Variants in PPP3R1 observed in about 807,000 individuals in gnomAD.
PPP3R1 encodes the protein calcineurin subunit B type 1.
A neutral mutation model predicts 22.6 loss-of-function variants in PPP3R1; 5 were observed. That is an observed-to-expected ratio of 0.22 (90% CI 0.12 to 0.46). PPP3R1 has a LOEUF of 0.46. PPP3R1 is among the 20% of genes least tolerant of loss of function. PPP3R1 has a pLI of 0.99. For missense variants in PPP3R1, 61 were observed against 203.2 expected, an observed-to-expected ratio of 0.30 and a Z score of 4.25; for synonymous variants, 56 against 65.2, an observed-to-expected ratio of 0.86 and a Z score of 0.68.
At chr2:68,229,973 T>TACACACAC (rs201152385) in intron 1 of PPP3R1, among the ~76,000 whole-genome samples, 2,599 of 143,212 alleles carry the variant, frequency 0.018, 46 homozygotes, top group Admixed American at 0.024. Context: ...TATACACACA[T>TACACACAC]ACACACACAC....
chr2:68,217,252 A>G (rs1396098652), intron 1 of PPP3R1, 121 bp from the exon 2 acceptor site: 1 of 564,218 alleles, frequency 1.8e-6, no homozygotes, highest in African/African-American at 1.9e-5. Flanking sequence ...TAATATGACC[A>G]CATATATAAA....
At chr2:68,245,757 C>G (rs537709361) in intron 1 of PPP3R1, among the ~76,000 whole-genome samples, 1 of 152,322 alleles carries the variant, frequency 6.6e-6, no homozygotes, top group African/African-American at 2.4e-5. Flanking sequence ...CATCTTATTT[C>G]CAGATTAATC....
At chr2:68,202,849 C>T (rs1197990813) in intron 2 of PPP3R1, among the ~76,000 whole-genome samples, 1 of 123,120 alleles carries the variant, frequency 8.1e-6, no homozygotes, top group African/African-American at 3.3e-5. Flanking sequence ...GTCGCCCAGG[C>T]TGGAGTGCAG....
At chr2:68,183,821 G>A (rs1470676176) in intron 5 of PPP3R1, among the ~76,000 whole-genome samples, 1 of 152,144 alleles carries the variant, frequency 6.6e-6, no homozygotes, top group Non-Finnish European at 1.5e-5. Context: ...CCTTGGCTTT[G>A]CTTCTGTAGA....
intron 2 of PPP3R1, among the ~76,000 whole-genome samples, chr2:68,203,663 C>T (rs566117496): frequency 7.9e-5 from 12 of 152,076 alleles, no homozygotes; most frequent in South Asian, 2.1e-4. Flanking sequence ...ACCTTTTTCT[C>T]TGAAAACACT....
chr2:68,180,932 A>G lies in PPP3R1; in HGVS notation c.*31T>C, dbSNP rs1268292053. On this transcript the variant is annotated 3_prime_UTR_variant, in exon 6 of 6. Transcript: ENST00000234310. ...GATCTTCAGAGATGGAGAAGAAAGC[A>G]AAAGTGTTGGGTGGTACTCTCTGAT... 3 of 1,598,306 alleles carry G rather than the reference A, an allele frequency of 1.9e-6. No individual in the cohort carries two copies. The highest frequency in any genetic ancestry group is 1.7e-5 in the Admixed American group (1 of 59,840).
At chr2:68,212,216 G>T (rs961329578) in intron 2 of PPP3R1, among the ~76,000 whole-genome samples, 4 of 152,164 alleles carry the variant, frequency 2.6e-5, no homozygotes, top group Non-Finnish European at 4.4e-5. Context: ...GAGTAGCTGG[G>T]ATTACAGGCA....
chr2:68,186,706 G>GCT, intron 4 of PPP3R1, 54 bp from the exon 5 acceptor site: 7 of 1,424,716 alleles, frequency 4.9e-6, no homozygotes, highest in Non-Finnish European at 5.8e-6. Flanking sequence ...ACAAGTAAAT[G>GCT]CTTTCAGTAA....
chr2:68,191,318 T>TAC (rs1031220349), intron 2 of PPP3R1, among the ~76,000 whole-genome samples: 12 of 152,214 alleles, frequency 7.9e-5, no homozygotes, highest in African/African-American at 2.9e-4. Context: ...CATCTTACTG[T>TAC]ACTGAATACT....
chr2:68,246,145 G>C (rs1159747517), intron 1 of PPP3R1, among the ~76,000 whole-genome samples: 1 of 127,182 alleles, frequency 7.9e-6, no homozygotes, highest in Non-Finnish European at 1.5e-5. Context: ...TACAATCTCA[G>C]CTCCCTGCAA....
Position 68,209,693 on chromosome 2 carries a change from G to T in PPP3R1, c.43+7399C>A, listed in dbSNP as rs527699015. ...GAATCGCTTGAGCCCCAGTGAGCCA[G>T]GCTGCACCGAACCATGGTAATGCTA... On this transcript the variant is annotated intron_variant, in intron 2 of 5. Transcript: ENST00000234310. 9.0e-4 allele frequency among the ~76,000 whole-genome samples: 137 copies of T among 152,120 alleles called. 1 individual carries two copies. The highest frequency in any genetic ancestry group is 3.2e-3 in the African/African-American group (131 of 41,494).
intron 1 of PPP3R1, among the ~76,000 whole-genome samples, chr2:68,234,747 A>G (rs1669985729): frequency 6.6e-6 from 1 of 152,218 alleles, no homozygotes; most frequent in Non-Finnish European, 1.5e-5. Context: ...ATAATTTGGT[A>G]CTACTTTCTA....
At chr2:68,199,445 C>A (rs904136897) in intron 2 of PPP3R1, among the ~76,000 whole-genome samples, 1 of 152,132 alleles carries the variant, frequency 6.6e-6, no homozygotes, top group African/African-American at 2.4e-5. Context: ...AATCTCAAGT[C>A]TTTTTCTTTT....
At chr2:68,229,481 G>C (rs1347175156) in intron 1 of PPP3R1, among the ~76,000 whole-genome samples, 2 of 152,146 alleles carry the variant, frequency 1.3e-5, no homozygotes, top group Non-Finnish European at 2.9e-5. Flanking sequence ...CATTTATTGA[G>C]AAATAGGTGT....
At chr2:68,237,919 TTG>T (rs1670048009) in intron 1 of PPP3R1, among the ~76,000 whole-genome samples, 2 of 152,140 alleles carry the variant, frequency 1.3e-5, no homozygotes, top group Admixed American at 6.5e-5. Context: ...TTCATAAATT[TTG>T]AGTTTCCTTT....
At chr2:68,250,321 A>C (rs1174763787) in intron 1 of PPP3R1, among the ~76,000 whole-genome samples, 1 of 152,168 alleles carries the variant, frequency 6.6e-6, no homozygotes, top group Non-Finnish European at 1.5e-5. Flanking sequence ...AAGAGCTAAA[A>C]GAGAACTTCC....
At chr2:68,223,809 A>C (rs953514408) in intron 1 of PPP3R1, among the ~76,000 whole-genome samples, 2 of 151,238 alleles carry the variant, frequency 1.3e-5, no homozygotes, top group Non-Finnish European at 3.0e-5. Context: ...GGGAAGACAA[A>C]AAAAAAAAAA....
chr2:68,191,768 C>T (rs544911112), intron 2 of PPP3R1, among the ~76,000 whole-genome samples: 1 of 152,164 alleles, frequency 6.6e-6, no homozygotes, highest in Non-Finnish European at 1.5e-5. Flanking sequence ...ACATCAACTA[C>T]ACAAGCATTT....
intron 1 of PPP3R1, among the ~76,000 whole-genome samples, chr2:68,220,501 G>A (rs1228313382): frequency 1.3e-5 from 2 of 152,112 alleles, no homozygotes; most frequent in Admixed American, 6.5e-5. Flanking sequence ...TCCTCAGAAC[G>A]ACTATATTGG....
Sources: gnomAD v4.1 joint callset for allele counts (sites outside exome capture counted in the v4.1 genomes callset) on GRCh38, gnomAD v4.1.1 for gene constraint, MANE v1.5 for transcripts, NCBI Gene and HGNC (gene_info 2026-07-23, HGNC 2026-07-21) for gene names.